Variants in SMG6 observed in about 807,000 individuals in gnomAD.
SMG6 encodes the protein SMG6 nonsense mediated mRNA decay factor, also known as telomerase-binding protein EST1A.
In SMG6, 66 loss-of-function variants were observed where a neutral mutation model predicts 142.2. That is an observed-to-expected ratio of 0.46 (90% CI 0.38 to 0.57). The LOEUF (loss-of-function observed/expected upper bound fraction) is 0.57. Ranked by LOEUF, SMG6 falls within the 20% of genes least tolerant of loss-of-function variation. The pLI is 0.00. For missense variants in SMG6, 1,793 were observed against 1,832.0 expected, an observed-to-expected ratio of 0.98 and a Z score of 0.39; for synonymous variants, 779 against 702.4, an observed-to-expected ratio of 1.11 and a Z score of -1.72.
intron 8 of SMG6, among the ~76,000 whole-genome samples, chr17:2,276,305 C>G (rs981088423): frequency 6.6e-6 from 1 of 152,156 alleles, no homozygotes; most frequent in Non-Finnish European, 1.5e-5. Context: ...CGCACACACC[C>G]CAAACATCTA....
At chr17:2,277,157 ATTTATTTATTTTT>A (rs2074671306) in intron 8 of SMG6, among the ~76,000 whole-genome samples, 1 of 97,070 alleles carries the variant, frequency 1.0e-5, no homozygotes, top group Non-Finnish European at 2.1e-5. Flanking sequence ...TTATTTATTT[ATTTATTTATTTTT>A]TATTTTTTTT....
chr17:2,160,074 G>A (rs867874073), intron 13 of SMG6, among the ~76,000 whole-genome samples: 67 of 152,270 alleles, frequency 4.4e-4, no homozygotes, highest in African/African-American at 1.5e-3. Flanking sequence ...TACCTTGATT[G>A]AAGTGGTCCT....
chr17:2,098,562 T>C (rs7225860), intron 13 of SMG6, among the ~76,000 whole-genome samples: 11,128 of 152,306 alleles, frequency 0.073, 501 homozygotes, highest in East Asian at 0.18. Context: ...TGCAACCTAT[T>C]AAGTTCTCTT....
chr17:2,110,081 CAA>C (rs57135671), intron 13 of SMG6, among the ~76,000 whole-genome samples: 5 of 87,990 alleles, frequency 5.7e-5, no homozygotes, highest in East Asian at 3.8e-4. Flanking sequence ...GATTCCATCT[CAA>C]AAAAAAAAAA....
rs567739650 is a variant in SMG6, at chr17:2,303,402, G to A, written c.88+231C>T. 652 of 1,248,530 alleles carry A rather than the reference G, an allele frequency of 5.2e-4. 1 individual carries two copies. The highest frequency in any genetic ancestry group is 5.9e-4 in the Non-Finnish European group (592 of 996,314). 77.3% of individuals were successfully genotyped at this position (1,248,530 alleles called of 1,614,324 possible). On this transcript the variant is annotated intron_variant, in intron 1 of 18. Coordinates refer to ENST00000263073, the MANE Select transcript of SMG6 (RefSeq NM_017575.5). ...CTTCGCGGCGAGAAAGAGGGTGGAG[G>A]CAGGAATTCGGGCCAGGCTCTCCCG...
chr17:2,075,348 T>G (rs1170240916), intron 15 of SMG6, among the ~76,000 whole-genome samples: 2 of 152,154 alleles, frequency 1.3e-5, no homozygotes, highest in East Asian at 1.9e-4. Context: ...GAAGCTATTT[T>G]GAGAACACAT....
chr17:2,228,356 G>A (rs750107836), intron 10 of SMG6, among the ~76,000 whole-genome samples: 1 of 152,138 alleles, frequency 6.6e-6, no homozygotes, highest in African/African-American at 2.4e-5. Context: ...AGCCTCCTCA[G>A]TAGCTGGGAT....
intron 15 of SMG6, 74 bp downstream of exon 15, chr17:2,081,736 T>C (rs200991101): frequency 5.8e-6 from 9 of 1,558,712 alleles, no homozygotes; most frequent in Non-Finnish European, 7.9e-6. Context: ...TCAGCTCTGC[T>C]CTCTGCCCAC....
At position 2,186,744 on chromosome 17, in the gene SMG6, C is replaced by A; in HGVS notation, c.3074G>T (p.Ser1025Ile). The A allele has an allele frequency of 6.2e-7, 1 of 1,614,214 alleles. No individual in the cohort carries two copies. The highest frequency in any genetic ancestry group is 8.5e-7 in the Non-Finnish European group (1 of 1,180,032). ...FVPDLKELLP[S>I]VKVWSDWMLG... ...CATCCAATCTGACCAGACTTTGACA[C>A]TGGGGAGCAGCTCCTTCAGGTCCGG... The change falls in exon 12 of 19, where the codon AGT becomes ATT. Residue 1025 changes from serine to isoleucine, a missense_variant. This residue lies in a region of SMG6 where 1,597 missense variants were observed against 1,584.6 expected (regional missense o/e 1.01). Transcript: ENST00000263073.
intron 12 of SMG6, among the ~76,000 whole-genome samples, chr17:2,186,456 G>A (rs1422509731): frequency 6.6e-6 from 1 of 152,100 alleles, no homozygotes; most frequent in Non-Finnish European, 1.5e-5. Context: ...GAGTGTGAGA[G>A]GAGGGGGAAG....
chr17:2,220,299 A>C (rs2073136501), intron 10 of SMG6, among the ~76,000 whole-genome samples: 2 of 152,174 alleles, frequency 1.3e-5, no homozygotes, highest in Admixed American at 6.5e-5. Context: ...TGAGAAGAAA[A>C]TGTTCAAAAA....
intron 10 of SMG6, among the ~76,000 whole-genome samples, chr17:2,231,715 A>G (rs1214160030): frequency 8.1e-6 from 1 of 123,556 alleles, no homozygotes; most frequent in Non-Finnish European, 1.6e-5. Flanking sequence ...CCCACCCAAA[A>G]AAAGCAAGCA....
chr17:2,286,984 T>A lies in SMG6; in HGVS notation c.2338-3249A>T, dbSNP rs572481212. Among the ~76,000 whole-genome samples, 45 of 144,926 alleles carry A rather than the reference T, an allele frequency of 3.1e-4. 1 individual carries two copies. The South Asian group carries it at 8.3e-3, about 27-fold the overall frequency. On this transcript the variant is annotated intron_variant, in intron 6 of 18. Transcript: ENST00000263073. ...TCTCGCTCTGTCGCTCAGGCTGGAGTGCAGTGGCGTGATCTTGGCTCACTG... is the reference window on the plus strand; with the variant it reads ...TCTCGCTCTGTCGCTCAGGCTGGAGAGCAGTGGCGTGATCTTGGCTCACTG...
At chr17:2,166,567 TC>T (rs552823684) in intron 13 of SMG6, among the ~76,000 whole-genome samples, 3 of 152,144 alleles carry the variant, frequency 2.0e-5, no homozygotes, top group Non-Finnish European at 4.4e-5. Context: ...AAGTAATTCT[TC>T]CACCTCAGCC....
chr17:2,079,800 C>T (rs1013586047), intron 15 of SMG6, among the ~76,000 whole-genome samples: 11 of 151,830 alleles, frequency 7.2e-5, no homozygotes, highest in African/African-American at 4.8e-5. Flanking sequence ...GGAGGCTGGG[C>T]GCAGTGGCTC....
At chr17:2,149,403 T>C (rs1031251503) in intron 13 of SMG6, among the ~76,000 whole-genome samples, 3 of 150,258 alleles carry the variant, frequency 2.0e-5, no homozygotes, top group Admixed American at 2.0e-4. Context: ...TTATCTTATG[T>C]ATATTTCATC....
At chr17:2,249,149 T>G (rs1032353556) in intron 8 of SMG6, among the ~76,000 whole-genome samples, 7 of 152,122 alleles carry the variant, frequency 4.6e-5, no homozygotes, top group East Asian at 3.9e-4. Flanking sequence ...CGCCTTGGCC[T>G]CCCAAAGTGC....
At chr17:2,164,905 C>G (rs1222913868) in intron 13 of SMG6, among the ~76,000 whole-genome samples, 2 of 151,938 alleles carry the variant, frequency 1.3e-5, no homozygotes, top group Admixed American at 6.6e-5. Context: ...CCACTGTACT[C>G]CAGCGTGGGC....
intron 13 of SMG6, among the ~76,000 whole-genome samples, chr17:2,097,592 C>G (rs1219318570): frequency 6.6e-6 from 1 of 152,096 alleles, no homozygotes; most frequent in Non-Finnish European, 1.5e-5. Context: ...CCTTTTAAAC[C>G]CAGATCTGCC....
Sources: gnomAD v4.1 joint callset for allele counts (sites outside exome capture counted in the v4.1 genomes callset) on GRCh38, gnomAD v4.1.1 for gene constraint, gnomAD v4.1.1 regional missense constraint, MANE v1.5 for transcripts, NCBI Gene and HGNC (gene_info 2026-07-23, HGNC 2026-07-21) for gene names.